Variants in ARHGEF10 observed in about 807,000 individuals in gnomAD.
The protein encoded by ARHGEF10 is Rho guanine nucleotide exchange factor 10, also known as Rho guanine nucleotide exchange factor (GEF) 10.
A neutral mutation model predicts 147.4 loss-of-function variants in ARHGEF10; 140 were observed. The observed-to-expected ratio is 0.95, with a 90% CI of 0.83 to 1.09. The LOEUF (loss-of-function observed/expected upper bound fraction) is 1.09, where lower values mean the gene tolerates loss of function less well. Ranked by LOEUF, ARHGEF10 falls within the 50% of genes least tolerant of loss-of-function variation. ARHGEF10 has a pLI of 0.00. For synonymous variants in ARHGEF10, 902 were observed against 695.8 expected, an observed-to-expected ratio of 1.30 and a Z score of -4.67; for missense variants, 2,222 against 1,752.7, an observed-to-expected ratio of 1.27 and a Z score of -4.78.
chr8:1,902,187 C>T (rs1411220736), intron 15 of ARHGEF10, among the ~76,000 whole-genome samples: 1 of 152,076 alleles, frequency 6.6e-6, no homozygotes, highest in Non-Finnish European at 1.5e-5. Flanking sequence ...GTGTGATGCG[C>T]CCCTCCCTGT....
At chr8:1,935,350 C>T (rs894902176) in intron 26 of ARHGEF10, among the ~76,000 whole-genome samples, 3 of 152,104 alleles carry the variant, frequency 2.0e-5, no homozygotes, top group Non-Finnish European at 2.9e-5. Flanking sequence ...CTCTTGGTGC[C>T]GTGCTTCTGT....
chr8:1,936,255 C>A (rs1327733257), intron 26 of ARHGEF10, among the ~76,000 whole-genome samples: 2 of 152,190 alleles, frequency 1.3e-5, no homozygotes, highest in African/African-American at 4.8e-5. Context: ...CGGCTCACAC[C>A]TGTAATTCCA....
intron 7 of ARHGEF10, among the ~76,000 whole-genome samples, chr8:1,873,864 CT>C (rs67299260): frequency 3.1e-4 from 45 of 146,078 alleles, no homozygotes; most frequent in Middle Eastern, 3.4e-3. Context: ...CCACTTTTTT[CT>C]TTTTTTTTTA....
At chr8:1,903,592 G>C in intron 16 of ARHGEF10, 141 bp downstream of exon 16, 1 of 1,057,106 alleles carries the variant, frequency 9.5e-7, no homozygotes, top group Non-Finnish European at 1.4e-6. Flanking sequence ...GGTGGATGGA[G>C]GCCTTCGGGA....
chr8:1,883,072 T>G (rs1187984227), intron 10 of ARHGEF10, among the ~76,000 whole-genome samples: 1 of 152,184 alleles, frequency 6.6e-6, no homozygotes, highest in East Asian at 1.9e-4. Flanking sequence ...TATAGCACAT[T>G]GGCCCTCCTG....
At chr8:1,898,147 A>G (rs1226136309) in intron 14 of ARHGEF10, among the ~76,000 whole-genome samples, 2 of 152,054 alleles carry the variant, frequency 1.3e-5, no homozygotes, top group Non-Finnish European at 2.9e-5. Flanking sequence ...GAACACAGAC[A>G]CCCAAGGACA....
chr8:1,884,617 T>C (rs887362907), intron 10 of ARHGEF10, among the ~76,000 whole-genome samples: 1 of 152,200 alleles, frequency 6.6e-6, no homozygotes, highest in Non-Finnish European at 1.5e-5. Flanking sequence ...GCCCCTTAGA[T>C]AGATGTTTCT....
At chr8:1,872,621 A>G (rs1314888730) in intron 7 of ARHGEF10, among the ~76,000 whole-genome samples, 1 of 152,208 alleles carries the variant, frequency 6.6e-6, no homozygotes, top group African/African-American at 2.4e-5. Context: ...ATAAACCCAT[A>G]TGCTTATCTC....
chr8:1,909,046 C>T (rs1001556009), intron 17 of ARHGEF10, among the ~76,000 whole-genome samples: 74 of 152,204 alleles, frequency 4.9e-4, no homozygotes, highest in African/African-American at 1.8e-3. Flanking sequence ...TGGAAAACCT[C>T]GGAGCTTCCG....
chr8:1,852,640 T>C (rs116165732), intron 2 of ARHGEF10, among the ~76,000 whole-genome samples: 1,524 of 152,336 alleles, frequency 0.01, 30 homozygotes, highest in African/African-American at 0.034. Flanking sequence ...TAGGCATAAC[T>C]TAAAATGGGC....
At chr8:1,903,188 C>T (rs942933125) in intron 15 of ARHGEF10, 93 bp from the exon 16 acceptor site, 67 of 1,494,156 alleles carry the variant, frequency 4.5e-5, no homozygotes, top group Admixed American at 1.2e-4. Context: ...ATGCCACTGC[C>T]TCCTTTCCAT....
At chr8:1,918,460 CTGTG>C (rs60519090) in intron 18 of ARHGEF10, among the ~76,000 whole-genome samples, 52,084 of 140,548 alleles carry the variant, frequency 0.37, 9,104 homozygotes, top group South Asian at 0.46. Context: ...CATTTGATGG[CTGTG>C]TGTGTGTGTG....
At chr8:1,898,317 A>G in intron 14 of ARHGEF10, 116 bp from the exon 15 acceptor site, 2 of 873,638 alleles carry the variant, frequency 2.3e-6, no homozygotes, top group Non-Finnish European at 3.7e-6. Flanking sequence ...AGCTGAAGAC[A>G]AGGTGCAGGC....
At chr8:1,839,190 G>T (rs1473783731) in intron 1 of ARHGEF10, among the ~76,000 whole-genome samples, 2 of 142,262 alleles carry the variant, frequency 1.4e-5, no homozygotes, top group African/African-American at 5.5e-5. Context: ...GGGACTGTCT[G>T]ATGTGGGGAC....
chr8:1,897,605 T>A (rs11775174), intron 14 of ARHGEF10, among the ~76,000 whole-genome samples: 104 of 130,054 alleles, frequency 8.0e-4, no homozygotes, highest in African/African-American at 3.0e-3. Flanking sequence ...CTCTCGACAG[T>A]TGTGGGCTCT....
chr8:1,899,649 T>C (rs182720739), intron 15 of ARHGEF10, among the ~76,000 whole-genome samples: 123 of 152,368 alleles, frequency 8.1e-4, no homozygotes, highest in African/African-American at 2.7e-3. Context: ...CTCTGGCTTA[T>C]ATTTTTAACA....
intron 12 of ARHGEF10, 59 bp downstream of exon 12, chr8:1,893,705 A>C (rs1809736142): frequency 7.6e-7 from 1 of 1,324,422 alleles, no homozygotes; most frequent in South Asian, 1.2e-5. Flanking sequence ...TTACCTATAT[A>C]CATTTTGATC....
chr8:1,846,214 G>A (rs1408013633), intron 2 of ARHGEF10, among the ~76,000 whole-genome samples: 3 of 152,260 alleles, frequency 2.0e-5, no homozygotes, highest in Admixed American at 6.5e-5. Context: ...CGAGGCCCCT[G>A]CCCTTGCTGA....
At chr8:1,890,949 G>A (rs1258204551) in intron 11 of ARHGEF10, among the ~76,000 whole-genome samples, 1 of 152,174 alleles carries the variant, frequency 6.6e-6, no homozygotes, top group Non-Finnish European at 1.5e-5. Flanking sequence ...CACAGACCTG[G>A]ATGAAATTCT....
Sources: allele counts gnomAD v4.1 joint callset (sites outside exome capture counted in the v4.1 genomes callset), GRCh38; gene constraint gnomAD v4.1.1; transcripts MANE v1.5; gene names NCBI Gene and HGNC (gene_info 2026-07-23, HGNC 2026-07-21).